Variants in THSD7A observed in about 807,000 individuals in gnomAD.
THSD7A encodes thrombospondin type 1 domain containing 7A, also known as thrombospondin type-1 domain-containing protein 7A.
In THSD7A, 96 loss-of-function variants were observed where a neutral mutation model predicts 231.3. The observed-to-expected ratio is 0.41, with a 90% CI of 0.35 to 0.49. The LOEUF is 0.49. Among genes scored for constraint, THSD7A ranks in the 20% least tolerant of loss-of-function variants. The pLI, the probability that THSD7A is intolerant of heterozygous loss-of-function variation, is 0.05. For synonymous variants in THSD7A, 940 were observed against 743.3 expected (o/e 1.26, Z -4.30); for missense variants, 2,290 against 2,070.2 (o/e 1.11, Z -2.06).
intron 1 of THSD7A, among the ~76,000 whole-genome samples, chr7:11,725,329 T>C (rs990947072): frequency 3.3e-5 from 5 of 152,000 alleles, no homozygotes; most frequent in Admixed American, 1.3e-4. Flanking sequence ...ACATTGTGAC[T>C]GAGCTTGCTT....
chr7:11,474,312 G>A lies in THSD7A; in HGVS notation c.2252+22C>T. The A allele has an allele frequency of 6.3e-7, 1 of 1,588,114 alleles. No homozygotes were observed. Among genetic ancestry groups the A allele is most frequent in the Non-Finnish European group, 8.6e-7 (1 of 1,163,864 alleles). On this transcript the variant is annotated intron_variant, in intron 8 of 27. Coordinates refer to ENST00000423059, the MANE Select transcript of THSD7A (RefSeq NM_015204.3). The surrounding 1 kb of genome is among the most constrained non-coding windows in gnomAD (Gnocchi z 4.1). ...TGCACAGGTGGCTACACGATTTACTGTTGTCATTCTAAAGCTCTTACTTTT... is the reference window on the plus strand; with the variant it reads ...TGCACAGGTGGCTACACGATTTACTATTGTCATTCTAAAGCTCTTACTTTT...
chr7:11,812,661 T>C (rs1784565998), intron 1 of THSD7A, among the ~76,000 whole-genome samples: 1 of 152,210 alleles, frequency 6.6e-6, no homozygotes, highest in Admixed American at 6.5e-5. Flanking sequence ...CACCTATTAT[T>C]TATACCATAT....
intron 1 of THSD7A, among the ~76,000 whole-genome samples, chr7:11,777,358 G>A (rs1783442531): frequency 6.6e-6 from 1 of 151,114 alleles, no homozygotes; most frequent in East Asian, 2.0e-4. Flanking sequence ...TGACAGGAAA[G>A]GCCATGATTT....
chr7:11,424,809 G>A lies in THSD7A; in HGVS notation c.3270C>T (p.Cys1090=). Residue 1090 remains cysteine, a synonymous_variant, in exon 16 of 28, where the codon TGC becomes TGT. Coordinates refer to ENST00000423059, the MANE Select transcript of THSD7A (RefSeq NM_015204.3). ...ATAGGTACTGGTTGCAGTCACTGTG[G>A]CATGGGACAACCTCATACACCTGAA... is the stretch of plus-strand genomic sequence containing the variant. ...NQAQVYEVVP[C]HSDCNQYLWV... is the part of the protein sequence containing the mutation. The A allele has an allele frequency of 6.2e-7, 1 of 1,613,936 alleles. No individual in the cohort carries two copies. The highest frequency in any genetic ancestry group is 8.5e-7 in the Non-Finnish European group (1 of 1,179,882).
intron 6 of THSD7A, among the ~76,000 whole-genome samples, chr7:11,499,799 T>C (rs191723071): frequency 6.6e-6 from 1 of 152,232 alleles, no homozygotes; most frequent in Non-Finnish European, 1.5e-5. Flanking sequence ...AATCAAAACA[T>C]CTGCGAAGTA....
intron 1 of THSD7A, among the ~76,000 whole-genome samples, chr7:11,642,971 G>A (rs1401576325): frequency 6.6e-6 from 1 of 151,990 alleles, no homozygotes; most frequent in African/African-American, 2.4e-5. Flanking sequence ...AAGGGCATGA[G>A]AACAATAAAA....
At chr7:11,386,902 G>C (rs1331221105) in intron 23 of THSD7A, among the ~76,000 whole-genome samples, 1 of 152,158 alleles carries the variant, frequency 6.6e-6, no homozygotes, top group Admixed American at 6.5e-5. Context: ...GTGTAAGGAA[G>C]GGGTCCAGTT....
chr7:11,734,871 G>A (rs6957012), intron 1 of THSD7A, among the ~76,000 whole-genome samples: 78,643 of 151,640 alleles, frequency 0.52, 21,240 homozygotes, highest in Non-Finnish European at 0.6. Context: ...GCATTTTCCA[G>A]ATGATTTTAT....
At chr7:11,658,785 G>T (rs771517800) in intron 1 of THSD7A, among the ~76,000 whole-genome samples, 47 of 151,714 alleles carry the variant, frequency 3.1e-4, no homozygotes, top group Non-Finnish European at 5.8e-4. Flanking sequence ...GGCTACTAGT[G>T]TGGGAATTCC....
chr7:11,819,122 A>G (rs905582462), intron 1 of THSD7A, among the ~76,000 whole-genome samples: 1 of 152,208 alleles, frequency 6.6e-6, no homozygotes, highest in Non-Finnish European at 1.5e-5. Flanking sequence ...AGGGAACTGC[A>G]AATTGAAACA....
At chr7:11,779,990 G>A (rs146898086) in intron 1 of THSD7A, among the ~76,000 whole-genome samples, 309 of 152,244 alleles carry the variant, frequency 2.0e-3, no homozygotes, top group African/African-American at 7.1e-3. Context: ...AATTGCCATC[G>A]ATTGAGTGAC....
intron 13 of THSD7A, among the ~76,000 whole-genome samples, chr7:11,431,789 G>A (rs116911380): frequency 0.052 from 7,888 of 152,138 alleles, 200 homozygotes; most frequent in Admixed American, 0.065. Flanking sequence ...AAGCACTGCC[G>A]TCTTAATTCA....
intron 4 of THSD7A, among the ~76,000 whole-genome samples, chr7:11,580,822 A>G (rs560904795): frequency 1.3e-5 from 2 of 152,104 alleles, no homozygotes; most frequent in Non-Finnish European, 2.9e-5. Context: ...AACAATCTGT[A>G]CAACAAACCC....
At chr7:11,512,942 G>GATATATATATATATTATATATATATAT (rs1787876607) in intron 6 of THSD7A, among the ~76,000 whole-genome samples, 1 of 101,974 alleles carries the variant, frequency 9.8e-6, no homozygotes, top group Admixed American at 9.2e-5. Flanking sequence ...AAGAAACTAT[G>GATATATATATATATTATATATATATAT]ATATATATAT....
intron 6 of THSD7A, among the ~76,000 whole-genome samples, chr7:11,540,116 G>A (rs961493351): frequency 3.3e-5 from 5 of 151,966 alleles, no homozygotes; most frequent in Admixed American, 6.6e-5. Flanking sequence ...CTTTATTATA[G>A]AATAAGTAAG....
chr7:11,473,232 C>T lies in THSD7A; in HGVS notation c.2252+1102G>A, dbSNP rs1383858336. On this transcript the variant is annotated intron_variant, in intron 8 of 27. Coordinates refer to ENST00000423059, the MANE Select transcript of THSD7A (RefSeq NM_015204.3). ...TCATAATGGGATTCATATTTGTTTCCCTGGAGTTTTTCATGCATCAGAGAC... is the reference window on the plus strand; with the variant it reads ...TCATAATGGGATTCATATTTGTTTCTCTGGAGTTTTTCATGCATCAGAGAC... Among the ~76,000 whole-genome samples, 6 of 151,734 alleles carry T rather than the reference C, an allele frequency of 4.0e-5. No homozygotes were observed. In the East Asian group the frequency reaches 1.2e-3, roughly 29 times the overall value.
At chr7:11,819,989 TA>T (rs2128186717) in intron 1 of THSD7A, among the ~76,000 whole-genome samples, 1 of 152,202 alleles carries the variant, frequency 6.6e-6, no homozygotes, top group African/African-American at 2.4e-5. Context: ...CTATTAAAAA[TA>T]AAATCATTTT....
At chr7:11,541,706 A>G in intron 5 of THSD7A, 75 bp from the exon 6 acceptor site, 2 of 1,395,520 alleles carry the variant, frequency 1.4e-6, no homozygotes, top group South Asian at 2.5e-5. Context: ...ATAAAACCTC[A>G]GAGTAAAAGT....
At chr7:11,803,824 T>C (rs1784337807) in intron 1 of THSD7A, among the ~76,000 whole-genome samples, 1 of 152,180 alleles carries the variant, frequency 6.6e-6, no homozygotes, top group African/African-American at 2.4e-5. Flanking sequence ...AGGTGGGGTC[T>C]GGATATCAGT....
Sources: gnomAD v4.1 joint callset for allele counts (sites outside exome capture counted in the v4.1 genomes callset) on GRCh38, gnomAD v4.1.1 for gene constraint, Gnocchi (gnomAD v3.1) non-coding constraint, MANE v1.5 for transcripts, NCBI Gene and HGNC (gene_info 2026-07-23, HGNC 2026-07-21) for gene names.